Variants in BRF1 observed in about 807,000 individuals in gnomAD.
BRF1 encodes the protein transcription factor IIIB 90 kDa subunit.
A neutral mutation model predicts 81.7 loss-of-function variants in BRF1; 59 were observed. The observed-to-expected ratio is 0.72, with a 90% CI of 0.59 to 0.90. The LOEUF is 0.90. Among genes scored for constraint, BRF1 ranks in the 40% least tolerant of loss-of-function variants. The probability of loss-of-function intolerance (pLI) is 0.00; values close to 1 mark genes in which losing one functional copy is unlikely to be tolerated. For synonymous variants in BRF1, 491 were observed against 395.6 expected (o/e 1.24, Z -2.86); for missense variants, 1,050 against 936.3 (o/e 1.12, Z -1.58).
chr14:105,229,653 C>T (rs1195238045), intron 6 of BRF1, among the ~76,000 whole-genome samples: 1 of 150,866 alleles, frequency 6.6e-6, no homozygotes, highest in African/African-American at 2.4e-5. Context: ...CGGGGGACAG[C>T]CTGGCAGCCC....
At chr14:105,262,462 G>A (rs1380472169) in intron 3 of BRF1, among the ~76,000 whole-genome samples, 1 of 152,210 alleles carries the variant, frequency 6.6e-6, no homozygotes, top group Non-Finnish European at 1.5e-5. Flanking sequence ...CCCCTGCACA[G>A]TGACTAAATC....
rs587656581 is a variant in BRF1, at chr14:105,228,872, C to T, written c.736G>A (p.Val246Met). 5.6e-6 allele frequency: 9 copies of T among 1,613,876 alleles called. No individual in the cohort carries two copies. In the South Asian group the frequency reaches 8.8e-5, roughly 16 times the overall value. The change falls in exon 7 of 18, where the codon GTG (valine) becomes ATG (methionine). Residue 246 changes from valine (V) to methionine (M), a missense_variant. Physicochemically the swap from Val to Met is conservative, Grantham distance 21. Around this residue, in one of 2 missense-constraint regions of BRF1, gnomAD observed 1,043 missense variants for 915.4 expected, o/e 1.14. Transcript: ENST00000547530. ...TTGACCACACTGATGACCTCCTTCA[C>T]AGTCCTCCTGAAGTCATGCATTCTG... ...AARMHDFRRT[V>M]KEVISVVKVC...
rs1157529871 is a variant in BRF1 at position 105,209,373 on chromosome 14, G to A, written c.*1178C>T. 1 of 596,016 alleles carries A rather than the reference G, an allele frequency of 1.7e-6. No homozygotes were observed. Among genetic ancestry groups the A allele is most frequent in the Non-Finnish European group, 3.0e-6 (1 of 331,822 alleles). The allele number at this position is 596,016 out of a possible 1,614,324, so 36.9% of individuals were successfully genotyped here. A position where few individuals can be genotyped will look rare whatever the true frequency, so the allele number is the denominator to read the frequency against. On this transcript the variant is annotated 3_prime_UTR_variant, in exon 18 of 18. Coordinates refer to ENST00000547530, the MANE Select transcript of BRF1 (RefSeq NM_001519.4). ...AGAAGCCCTGGCAGGACCCAGGCTG[G>A]CTACTGAGCTCTGGGCGGGGGTAGG...
At chr14:105,252,384 C>T in intron 5 of BRF1, 123 bp downstream of exon 5, 1 of 1,442,818 alleles carries the variant, frequency 6.9e-7, no homozygotes, top group African/African-American at 1.4e-5. Context: ...CTTTAAGAAA[C>T]ATTTCTTACC....
At chr14:105,221,462 G>A (rs1892274861) in intron 11 of BRF1, among the ~76,000 whole-genome samples, 186 bp downstream of exon 11, 1 of 152,286 alleles carries the variant, frequency 6.6e-6, no homozygotes, top group African/African-American at 2.4e-5. Flanking sequence ...AATTCTTCAC[G>A]CCAGGACCAC....
intron 12 of BRF1, 179 bp downstream of exon 12, chr14:105,219,890 A>G: frequency 2.9e-6 from 2 of 686,898 alleles, no homozygotes. Flanking sequence ...CCGACACTGG[A>G]GAAGAGAGTG....
chr14:105,210,520 G>T lies in BRF1; in HGVS notation c.*31C>A. On this transcript the variant is annotated 3_prime_UTR_variant, in exon 18 of 18. Transcript: ENST00000547530. This position sits in a 1 kb window ranked among gnomAD's most constrained non-coding sequence, Gnocchi z 4.7. ...GCTGAGGAGACCCGCGAGGCCCCCT[G>T]CCAGGACATCACCTGCCTGGAGGCC... 1.9e-6 allele frequency: 3 copies of T among 1,608,916 alleles called. No homozygotes were observed.
intron 5 of BRF1, chr14:105,248,336 C>T: frequency 5.1e-6 from 5 of 985,490 alleles, no homozygotes; most frequent in Non-Finnish European, 6.0e-6. Context: ...AACTGAAGAA[C>T]GGGCGCAAGC....
At chr14:105,215,225 C>T (rs1890905865) in intron 15 of BRF1, among the ~76,000 whole-genome samples, 1 of 151,418 alleles carries the variant, frequency 6.6e-6, no homozygotes, top group African/African-American at 2.4e-5. Flanking sequence ...CACACACACG[C>T]CCCACGCACA....
At chr14:105,248,027 C>A (rs2055242535) in intron 5 of BRF1, 1 of 985,500 alleles carries the variant, frequency 1.0e-6, no homozygotes, top group Middle Eastern at 5.2e-4. Flanking sequence ...AGGGCCAGAT[C>A]CTGACTTGCC....
intron 3 of BRF1, among the ~76,000 whole-genome samples, chr14:105,261,694 C>T (rs2056159977): frequency 6.6e-6 from 1 of 152,244 alleles, no homozygotes; most frequent in African/African-American, 2.4e-5. Context: ...AGGGAAAGTG[C>T]TCTTGTATAT....
chr14:105,273,977 T>C (rs2056769331), intron 2 of BRF1, among the ~76,000 whole-genome samples: 1 of 152,206 alleles, frequency 6.6e-6, no homozygotes, highest in Admixed American at 6.5e-5. Context: ...GTCTCCTGCC[T>C]GCCCCTGGGA....
At chr14:105,225,272 A>G (rs1892903584) in intron 10 of BRF1, among the ~76,000 whole-genome samples, 1 of 152,198 alleles carries the variant, frequency 6.6e-6, no homozygotes, top group South Asian at 2.1e-4. Context: ...TACAGAATAC[A>G]AATCAAAAAC....
intron 10 of BRF1, chr14:105,222,148 CAA>C: frequency 2.1e-6 from 1 of 472,118 alleles, no homozygotes; most frequent in Non-Finnish European, 3.6e-6. Context: ...ACATTTCAGA[CAA>C]AAACGTAAAA....
In BRF1 at chr14:105,309,738, A is replaced by C. The variant is rs775197176; in HGVS notation, c.-162+5584T>G. 2.8e-5 allele frequency among the ~76,000 whole-genome samples: 4 copies of C among 143,708 alleles called. No homozygotes were observed. The highest frequency in any genetic ancestry group is 1.0e-4 in the African/African-American group (4 of 39,264). 94.3% of individuals were successfully genotyped at this position (143,708 alleles called of 152,430 possible). A position where few individuals can be genotyped will look rare whatever the true frequency, so the allele number is the denominator to read the frequency against. On this transcript the variant is annotated intron_variant, in intron 1 of 17. Coordinates refer to the BRF1 transcript ENST00000327359. This position sits in a 1 kb window ranked among gnomAD's most constrained non-coding sequence, Gnocchi z 4.0. ...ACGACCTTAGGTCTGTATTAGGTCT[A>C]GATTAGCCTGCATTAAGGAGAAGGT...
In BRF1 at chr14:105,209,692, C is replaced by T. The variant is rs960516626; in HGVS notation, c.*859G>A. 32 of 644,356 alleles carry T rather than the reference C, an allele frequency of 5.0e-5. No homozygotes were observed. The Admixed American group carries it at 7.4e-4, about 15-fold the overall frequency. 39.9% of individuals were successfully genotyped at this position (644,356 alleles called of 1,614,324 possible). ...AGCTCTGACAGGGAGCGCCACTGCC[C>T]TCTGGCTCTGTCCACGGGGAACTCC... On this transcript the variant is annotated 3_prime_UTR_variant, in exon 18 of 18. Coordinates refer to ENST00000547530, the MANE Select transcript of BRF1 (RefSeq NM_001519.4).
At chr14:105,252,380 G>C (rs1042211674) in intron 5 of BRF1, 127 bp downstream of exon 5, 1 of 1,438,366 alleles carries the variant, frequency 7.0e-7, no homozygotes. Flanking sequence ...GCAGCTTTAA[G>C]AAACATTTCT....
rs1280569527 is a variant in BRF1 at position 105,300,721 on chromosome 14, G to A, written c.-92C>T. ...AGCCCGCGCCGCCCGCCCAGGCCCA[G>A]CCGCCCAGGCCTCGCCGCTCTCGCG... On this transcript the variant is annotated 5_prime_UTR_variant, in exon 1 of 18. Transcript: ENST00000547530. The A allele has an allele frequency of 5.0e-6, 5 of 1,008,990 alleles. No homozygotes were observed. The highest frequency in any genetic ancestry group is 9.6e-5 in the South Asian group (2 of 20,860). 62.5% of individuals were successfully genotyped at this position (1,008,990 alleles called of 1,614,324 possible). A position where few individuals can be genotyped will look rare whatever the true frequency, so the allele number is the denominator to read the frequency against.
intron 1 of BRF1, among the ~76,000 whole-genome samples, chr14:105,300,085 G>A (rs1374506614): frequency 1.3e-5 from 2 of 152,252 alleles, no homozygotes; most frequent in African/African-American, 4.8e-5. Flanking sequence ...AAGGGCAGCA[G>A]CAATCGGATT....
Sources: allele counts gnomAD v4.1 joint callset (sites outside exome capture counted in the v4.1 genomes callset), GRCh38; gene constraint gnomAD v4.1.1; regional missense constraint gnomAD v4.1.1; non-coding constraint Gnocchi (gnomAD v3.1); transcripts MANE v1.5; gene names NCBI Gene and HGNC (gene_info 2026-07-23, HGNC 2026-07-21).